Variants in BAALC observed in about 807,000 individuals in gnomAD.
BAALC encodes the protein BAALC binder of MAP3K1 and KLF4, also known as brain and acute leukemia cytoplasmic protein.
In BAALC, 9 loss-of-function variants were observed where a neutral mutation model predicts 15.5. The ratio of observed to expected loss-of-function variants is 0.58; its 90% confidence interval spans 0.35 to 1.02. BAALC has a LOEUF of 1.02. BAALC is among the 50% of genes least tolerant of loss of function. The pLI, the probability that BAALC is intolerant of heterozygous loss-of-function variation, is 0.02. For missense variants in BAALC, 201 were observed against 192.4 expected, an observed-to-expected ratio of 1.04 and a Z score of -0.27; for synonymous variants, 80 against 74.6, an observed-to-expected ratio of 1.07 and a Z score of -0.37.
intron 1 of BAALC, among the ~76,000 whole-genome samples, chr8:103,194,030 C>T (rs974508603): frequency 2.6e-5 from 4 of 152,142 alleles, no homozygotes; most frequent in African/African-American, 9.7e-5. Flanking sequence ...CTTTGTCTCG[C>T]AAGAAAAAAT....
intron 1 of BAALC, among the ~76,000 whole-genome samples, chr8:103,170,006 T>A (rs906726351): frequency 6.6e-6 from 1 of 152,168 alleles, no homozygotes; most frequent in African/African-American, 2.4e-5. Context: ...AGTTTCCTTT[T>A]TTTCCCCTTA....
intron 1 of BAALC, among the ~76,000 whole-genome samples, chr8:103,187,683 C>T (rs1811873832): frequency 6.6e-6 from 1 of 152,186 alleles, no homozygotes; most frequent in Non-Finnish European, 1.5e-5. Flanking sequence ...AGGACACATG[C>T]TCCTCCCCTC....
intron 1 of BAALC, among the ~76,000 whole-genome samples, chr8:103,179,294 C>G (rs937620837): frequency 2.6e-5 from 4 of 152,206 alleles, no homozygotes; most frequent in African/African-American, 9.6e-5. Context: ...ACAGCTGAAA[C>G]ATCTCCACAT....
chr8:103,195,736 T>C (rs1438319469), intron 1 of BAALC, among the ~76,000 whole-genome samples: 2 of 152,134 alleles, frequency 1.3e-5, no homozygotes, highest in African/African-American at 2.4e-5. Flanking sequence ...AGGGAAAAAA[T>C]ACTTTAACAC....
chr8:103,154,383 G>C (rs1586376471), intron 1 of BAALC, among the ~76,000 whole-genome samples: 1 of 151,872 alleles, frequency 6.6e-6, no homozygotes, highest in Admixed American at 6.6e-5. Context: ...TGTCCTCACC[G>C]CCTTTCACCT....
At chr8:103,226,006 C>T (rs1812800341) in intron 2 of BAALC, among the ~76,000 whole-genome samples, 1 of 152,184 alleles carries the variant, frequency 6.6e-6, no homozygotes, top group South Asian at 2.1e-4. Context: ...GGATGCACTA[C>T]AGAGGAAGTA....
intron 1 of BAALC, among the ~76,000 whole-genome samples, chr8:103,153,840 C>T (rs988365293): frequency 1.3e-5 from 2 of 152,080 alleles, no homozygotes; most frequent in Admixed American, 6.5e-5. Flanking sequence ...GACTTTAGGG[C>T]GTTAAGAAAC....
chr8:103,147,780 G>A (rs1188086135), intron 1 of BAALC, among the ~76,000 whole-genome samples: 1 of 152,118 alleles, frequency 6.6e-6, no homozygotes, highest in East Asian at 1.9e-4. Context: ...TTTGGCCTCC[G>A]CTGCAAAATC....
chr8:103,228,207 C>T lies in BAALC; in HGVS notation c.*108C>T. The T allele has an allele frequency of 1.4e-6, 1 of 737,372 alleles. No homozygotes were observed. The highest frequency in any genetic ancestry group is 1.8e-5 in the South Asian group (1 of 54,698). The allele number at this position is 737,372 out of a possible 1,614,324, so 45.7% of individuals were successfully genotyped here. A position where few individuals can be genotyped will look rare whatever the true frequency, so the allele number is the denominator to read the frequency against. ...GGCTGCCCCTTGCTGGACCTGAATT[C>T]TACTGAGTCCCTGGCAAGACTGTCT... On this transcript the variant is annotated 3_prime_UTR_variant, in exon 3 of 3. Coordinates refer to ENST00000309982, the MANE Select transcript of BAALC (RefSeq NM_024812.3).
intron 1 of BAALC, among the ~76,000 whole-genome samples, chr8:103,160,824 C>T (rs1811208006): frequency 1.3e-5 from 2 of 152,108 alleles, no homozygotes; most frequent in Non-Finnish European, 1.5e-5. Context: ...CTAGGCCAGT[C>T]TTGCCTTTTC....
At chr8:103,150,100 T>C (rs1211184132) in intron 1 of BAALC, among the ~76,000 whole-genome samples, 2 of 152,196 alleles carry the variant, frequency 1.3e-5, no homozygotes, top group Admixed American at 6.5e-5. Context: ...ACATCTCACA[T>C]GGCAGCAGAC....
chr8:103,222,300 T>C (rs1812693667), intron 2 of BAALC, among the ~76,000 whole-genome samples: 1 of 152,050 alleles, frequency 6.6e-6, no homozygotes, highest in South Asian at 2.1e-4. Flanking sequence ...AAGGATTCTC[T>C]ATAGAATGTG....
chr8:103,222,568 T>G (rs1812702180), intron 2 of BAALC, among the ~76,000 whole-genome samples: 1 of 152,194 alleles, frequency 6.6e-6, no homozygotes, highest in African/African-American at 2.4e-5. Flanking sequence ...ACTACCAACC[T>G]CTTAAACATC....
At chr8:103,152,725 G>A (rs1811012302) in intron 1 of BAALC, among the ~76,000 whole-genome samples, 1 of 152,182 alleles carries the variant, frequency 6.6e-6, no homozygotes, top group South Asian at 2.1e-4. Flanking sequence ...CCAGGAATGG[G>A]ATTTAGCCCA....
intron 1 of BAALC, among the ~76,000 whole-genome samples, chr8:103,181,518 C>T (rs192446965): frequency 1.8e-3 from 276 of 152,186 alleles, no homozygotes; most frequent in African/African-American, 6.3e-3. Context: ...GTGATCTGCC[C>T]GCCTTGGCCT....
chr8:103,157,426 T>C (rs774113619), intron 1 of BAALC, among the ~76,000 whole-genome samples: 9 of 152,128 alleles, frequency 5.9e-5, no homozygotes, highest in African/African-American at 2.2e-4. Flanking sequence ...CCTTCATCAA[T>C]TGGGTAATTT....
At chr8:103,142,937 C>A (rs1810814570) in intron 1 of BAALC, among the ~76,000 whole-genome samples, 2 of 152,188 alleles carry the variant, frequency 1.3e-5, no homozygotes, top group South Asian at 2.1e-4. Flanking sequence ...GTCCTGAAGG[C>A]CTGCATCCTC....
intron 1 of BAALC, among the ~76,000 whole-genome samples, chr8:103,174,059 G>C (rs772470001): frequency 1.3e-5 from 2 of 152,138 alleles, no homozygotes; most frequent in African/African-American, 2.4e-5. Flanking sequence ...ACCCATAGAC[G>C]ATCCAGAGTG....
chr8:103,217,689 C>G (rs576283238), intron 2 of BAALC, among the ~76,000 whole-genome samples: 4 of 152,286 alleles, frequency 2.6e-5, no homozygotes, highest in Non-Finnish European at 4.4e-5. Flanking sequence ...TTTCATGAAG[C>G]ATGTGTCCTC....
Sources: allele counts gnomAD v4.1 joint callset (sites outside exome capture counted in the v4.1 genomes callset), GRCh38; gene constraint gnomAD v4.1.1; transcripts MANE v1.5; gene names NCBI Gene and HGNC (gene_info 2026-07-23, HGNC 2026-07-21).